The following ANKRD40 variants were observed in gnomAD, a reference collection of about 807,000 sequenced individuals.
ANKRD40 encodes the protein ankyrin repeat domain-containing protein 40.
Under a neutral mutation model 35.5 loss-of-function variants are expected in ANKRD40, and 24 were observed. The ratio of observed to expected loss-of-function variants is 0.68; its 90% CI spans 0.49 to 0.95. The LOEUF (loss-of-function observed/expected upper bound fraction) is 0.95. Among genes scored for constraint, ANKRD40 ranks in the 40% least tolerant of loss-of-function variants. The pLI, the probability that ANKRD40 is intolerant of heterozygous loss-of-function variation, is 0.00. For missense variants in ANKRD40, 361 were observed against 436.0 expected, an observed-to-expected ratio of 0.83 and a Z score of 1.53; for synonymous variants, 147 against 173.5, an observed-to-expected ratio of 0.85 and a Z score of 1.20.
chr17:50,700,499 G>T (rs116111802), intron 2 of ANKRD40, 69 bp downstream of exon 2: 3 of 1,427,212 alleles, frequency 2.1e-6, no homozygotes, highest in Non-Finnish European at 1.9e-6. Context: ...CATTAAGAAC[G>T]TAGCCAATAA....
intron 3 of ANKRD40, among the ~76,000 whole-genome samples, chr17:50,698,418 A>C (rs1461919897): frequency 6.6e-6 from 1 of 152,210 alleles, no homozygotes; most frequent in Non-Finnish European, 1.5e-5. Flanking sequence ...GTCAATACTG[A>C]TATGAATGAA....
intron 1 of ANKRD40, among the ~76,000 whole-genome samples, chr17:50,705,927 G>A (rs528168032): frequency 1.3e-5 from 2 of 149,252 alleles, no homozygotes; most frequent in East Asian, 4.1e-4. Context: ...CCAAAGTGCT[G>A]AGATTACAGG....
intron 1 of ANKRD40, among the ~76,000 whole-genome samples, chr17:50,705,327 C>G (rs1312932542): frequency 6.6e-6 from 1 of 151,678 alleles, no homozygotes; most frequent in Non-Finnish European, 1.5e-5. Flanking sequence ...TACACAACAC[C>G]GCCTCCCAGT....
chr17:50,700,438 C>T (rs918906837), intron 2 of ANKRD40, 130 bp downstream of exon 2: 23 of 1,045,266 alleles, frequency 2.2e-5, no homozygotes, highest in Admixed American at 2.2e-4. Flanking sequence ...AGCTAAACTC[C>T]GTCTCGGAAA....
intron 3 of ANKRD40, among the ~76,000 whole-genome samples, chr17:50,698,543 TC>T (rs2146656415): frequency 6.6e-6 from 1 of 151,888 alleles, no homozygotes; most frequent in South Asian, 2.1e-4. Context: ...AAGATCAAGA[TC>T]AAAAATGATA....
At chr17:50,700,948 T>A in intron 1 of ANKRD40, 1 of 410,664 alleles carries the variant, frequency 2.4e-6, no homozygotes, top group East Asian at 4.2e-5. Context: ...AACCTAGGAG[T>A]TTTAATTTCA....
chr17:50,707,387 G>A lies in ANKRD40; in HGVS notation c.134+134C>T. The A allele has an allele frequency of 7.4e-7, 1 of 1,349,634 alleles. No individual in the cohort carries two copies. The highest frequency in any genetic ancestry group is 2.8e-5 in the East Asian group (1 of 36,268). The allele number at this position is 1,349,634 out of a possible 1,614,324, so 83.6% of individuals were successfully genotyped here. ...GGGGGCCAGGGCTGGCCTCAAGAGA[G>A]CACAATCTCGGAGGCCCGAGGTGGC... On this transcript the variant is annotated intron_variant, in intron 1 of 4. Coordinates refer to ENST00000285243, the MANE Select transcript of ANKRD40 (RefSeq NM_052855.4). The surrounding 1 kb of genome is among the most constrained non-coding windows in gnomAD (Gnocchi z 4.8).
In ANKRD40 at chr17:50,694,137, A is replaced by AAAAAAAAAAAAAAAAG. The variant is rs1052116288; in HGVS notation, c.*1859_*1860insCTTTTTTTTTTTTTTT. On this transcript the variant is annotated 3_prime_UTR_variant, in exon 5 of 5. Transcript: ENST00000285243. ...AAAGCAAGACTCCGTCTCAAAAAAA[A>AAAAAAAAAAAAAAAAG]AAAGAAAAGAAACACCAGGGAGGTT... 6.7e-6 allele frequency: 1 copy of AAAAAAAAAAAAAAAAG among 148,506 alleles called. No homozygotes were observed. The highest frequency in any genetic ancestry group is 6.9e-5 in the Admixed American group (1 of 14,558). The allele number at this position is 148,506 out of a possible 1,614,324, so 9.2% of individuals were successfully genotyped here. A position where few individuals can be genotyped will look rare whatever the true frequency, so the allele number is the denominator to read the frequency against.
intron 1 of ANKRD40, among the ~76,000 whole-genome samples, chr17:50,702,825 G>T (rs529844561): frequency 7.9e-4 from 120 of 152,200 alleles, no homozygotes; most frequent in African/African-American, 2.8e-3. Flanking sequence ...AGAGCTGTGC[G>T]GCTCTGGGCA....
At chr17:50,696,762 A>AAG (rs1968204982) in intron 4 of ANKRD40, 178 bp downstream of exon 4, 2 of 521,330 alleles carry the variant, frequency 3.8e-6, no homozygotes, top group East Asian at 7.1e-5. Context: ...TTGCCAAAAA[A>AAG]AAAAAAAAAG....
At position 50,707,694 on chromosome 17, in the gene ANKRD40, C is replaced by T. The variant is rs757351749; in HGVS notation, c.-40G>A. 4.5e-6 allele frequency: 6 copies of T among 1,330,830 alleles called. No individual in the cohort carries two copies. The highest frequency in any genetic ancestry group is 3.9e-5 in the South Asian group (2 of 50,758). The allele number at this position is 1,330,830 out of a possible 1,614,324, so 82.4% of individuals were successfully genotyped here. ...AGGCCCCCGCCCAGGCCCGCCTGCC[C>T]CGCCCCGCCCGGGGCCTGTCAGCGC... On this transcript the variant is annotated 5_prime_UTR_variant, in exon 1 of 5. Coordinates refer to ENST00000285243, the MANE Select transcript of ANKRD40 (RefSeq NM_052855.4). The surrounding 1 kb of genome is among the most constrained non-coding windows in gnomAD (Gnocchi z 4.8).
At chr17:50,696,225 T>C in intron 4 of ANKRD40, 82 bp from the exon 5 acceptor site, 6 of 1,433,434 alleles carry the variant, frequency 4.2e-6, no homozygotes, top group Non-Finnish European at 5.6e-6. Flanking sequence ...ACCAGTATCT[T>C]GTCTTATTTC....
In ANKRD40 at chr17:50,700,502, G is replaced by A. The variant is rs139507006; in HGVS notation, c.283+66C>T. On this transcript the variant is annotated intron_variant, in intron 2 of 4. Coordinates refer to ENST00000285243, the MANE Select transcript of ANKRD40 (RefSeq NM_052855.4). Reference sequence around the variant, plus strand: ...TTGTTTGACCAGCATTAAGAACGTAGCCAATAATACCACAAGTCTTCAATG... The same window carrying A: ...TTGTTTGACCAGCATTAAGAACGTAACCAATAATACCACAAGTCTTCAATG... 771 of 1,485,324 alleles carry A rather than the reference G, an allele frequency of 5.2e-4. 5 individuals are homozygous for A. In the African/African-American group the frequency reaches 9.2e-3, roughly 18 times the overall value. 92.0% of individuals were successfully genotyped at this position (1,485,324 alleles called of 1,614,324 possible).
At chr17:50,700,025 T>C (rs922885517) in intron 2 of ANKRD40, 132 bp from the exon 3 acceptor site, 15 of 820,820 alleles carry the variant, frequency 1.8e-5, no homozygotes, top group Non-Finnish European at 2.5e-5. Context: ...AATACTTCAT[T>C]AGGTTTATGA....
intron 1 of ANKRD40, among the ~76,000 whole-genome samples, chr17:50,705,120 C>CAAA (rs56389674): frequency 2.8e-5 from 3 of 108,684 alleles, no homozygotes; most frequent in African/African-American, 1.1e-4. Flanking sequence ...GACTCTGTCT[C>CAAA]AAAAAAAAAA....
At chr17:50,704,500 A>G (rs1280714091) in intron 1 of ANKRD40, among the ~76,000 whole-genome samples, 12 of 131,056 alleles carry the variant, frequency 9.2e-5, no homozygotes, top group African/African-American at 3.2e-4. Context: ...GGGTGACAAG[A>G]GTGAAACTCC....
intron 1 of ANKRD40, among the ~76,000 whole-genome samples, chr17:50,703,831 C>A (rs1968297652): frequency 6.6e-6 from 1 of 151,992 alleles, no homozygotes. Flanking sequence ...TGTTTTAAGT[C>A]AGGATCCCTC....
intron 4 of ANKRD40, among the ~76,000 whole-genome samples, chr17:50,696,379 G>T (rs979460507): frequency 6.6e-5 from 10 of 152,198 alleles, no homozygotes; most frequent in Non-Finnish European, 1.5e-5. Context: ...ACTGCGAAGG[G>T]AGAGGCAATG....
rs1968354090 is a variant in ANKRD40 at position 50,707,472 on chromosome 17, C to A, written c.134+49G>T. ...CCAGGTCGCGACTGACTGCCCCACGCCTTCCGACCGGCTGCCCTGACCCTA... is the reference window on the plus strand; with the variant it reads ...CCAGGTCGCGACTGACTGCCCCACGACTTCCGACCGGCTGCCCTGACCCTA... On this transcript the variant is annotated intron_variant, in intron 1 of 4. Coordinates refer to ENST00000285243, the MANE Select transcript of ANKRD40 (RefSeq NM_052855.4). The surrounding 1 kb of genome is among the most constrained non-coding windows in gnomAD (Gnocchi z 4.8). The A allele has an allele frequency of 6.3e-7, 1 of 1,580,364 alleles. No homozygotes were observed. The highest frequency in any genetic ancestry group is 8.6e-7 in the Non-Finnish European group (1 of 1,163,996).
Sources: gnomAD v4.1 joint callset for allele counts (sites outside exome capture counted in the v4.1 genomes callset) on GRCh38, gnomAD v4.1.1 for gene constraint, Gnocchi (gnomAD v3.1) non-coding constraint, MANE v1.5 for transcripts, NCBI Gene and HGNC (gene_info 2026-07-23, HGNC 2026-07-21) for gene names.